The following NFIX variants were observed in gnomAD, a reference collection of about 807,000 sequenced individuals.
The protein encoded by NFIX is nuclear factor 1 X-type.
NFIX carries 2 observed loss-of-function variants against 53.3 expected under a neutral mutation model. The observed-to-expected ratio is 0.04, with a 90% confidence interval of 0.02 to 0.12. The LOEUF (loss-of-function observed/expected upper bound fraction) is 0.12, where lower values mean the gene tolerates loss of function less well. Among genes scored for constraint, NFIX ranks in the 10% least tolerant of loss-of-function variants. The pLI, the probability that NFIX is intolerant of heterozygous loss-of-function variation, is 1.00. For missense variants in NFIX, 310 were observed against 674.5 expected (o/e 0.46, Z 5.99); for synonymous variants, 244 against 289.0 (o/e 0.84, Z 1.58).
chr19:13,023,300 C>T (rs551137150), intron 1 of NFIX, among the ~76,000 whole-genome samples: 4 of 151,886 alleles, frequency 2.6e-5, no homozygotes, highest in Non-Finnish European at 5.9e-5. Flanking sequence ...CCTCGATCCT[C>T]GATCTCTCCC....
Position 13,097,040 on chromosome 19 carries a change from T to TTG in NFIX, c.*2393_*2394dup, listed in dbSNP as rs2018507279. On this transcript the variant is annotated 3_prime_UTR_variant, in exon 11 of 11. Transcript: ENST00000592199. ...AATGCATCAGAGAGTTTTCCTATCT[T>TTG]TGTATGTTAAGAGATTAAGAAAAAA... The TTG allele has an allele frequency of 6.6e-6, 1 of 151,362 alleles. No individual in the cohort carries two copies. The highest frequency in any genetic ancestry group is 6.6e-5 in the Admixed American group (1 of 15,236). 9.4% of individuals were successfully genotyped at this position (151,362 alleles called of 1,614,324 possible).
intron 7 of NFIX, among the ~76,000 whole-genome samples, chr19:13,080,968 C>T (rs994192398): frequency 6.6e-6 from 1 of 150,584 alleles, no homozygotes; most frequent in Non-Finnish European, 1.5e-5. Flanking sequence ...CCACTGCACT[C>T]CAGCCTGGGT....
intron 8 of NFIX, among the ~76,000 whole-genome samples, chr19:13,084,540 G>T (rs2017660195): frequency 6.6e-6 from 1 of 152,182 alleles, no homozygotes; most frequent in Non-Finnish European, 1.5e-5. Context: ...GGACCCTAGG[G>T]TAATAACAGC....
rs1457382584 is a variant in NFIX at position 13,049,616 on chromosome 19, CAG to C, written c.560-23428_560-23427del. 7.0e-6 allele frequency among the ~76,000 whole-genome samples: 1 copy of C among 141,998 alleles called. No homozygotes were observed. The highest frequency in any genetic ancestry group is 2.6e-5 in the African/African-American group (1 of 37,868). The allele number at this position is 141,998 out of a possible 152,430, so 93.2% of individuals were successfully genotyped here. On this transcript the variant is annotated intron_variant, in intron 2 of 10. Coordinates refer to ENST00000592199, the MANE Select transcript of NFIX (RefSeq NM_001365902.3). This position sits in a 1 kb window ranked among gnomAD's most constrained non-coding sequence, Gnocchi z 4.5. ...GTTCCTTTTTTTTTTTTTTTTGAGA[CAG>C]AGTCTTACTCTGTCGCCCAGGCTGG...
rs28667949 is a variant in NFIX at position 13,075,813 on chromosome 19, C to T, written c.955+142C>T. The T allele has an allele frequency of 1.1e-3, 1,096 of 1,030,666 alleles. 8 individuals are homozygous for T. In the African/African-American group the frequency reaches 0.016, roughly 15 times the overall value. 63.8% of individuals were successfully genotyped at this position (1,030,666 alleles called of 1,614,324 possible). On this transcript the variant is annotated intron_variant, in intron 6 of 10. Transcript: ENST00000592199. Reference sequence around the variant, plus strand: ...ATCTGTTTTCTTGCCTCCTGATCTTCCAGGGAGGGCAGAGCAGGCTGAAGG... The same window carrying T: ...ATCTGTTTTCTTGCCTCCTGATCTTTCAGGGAGGGCAGAGCAGGCTGAAGG...
At chr19:13,062,372 C>G (rs570659146) in intron 2 of NFIX, among the ~76,000 whole-genome samples, 14 of 152,324 alleles carry the variant, frequency 9.2e-5, no homozygotes, top group Admixed American at 3.3e-4. Flanking sequence ...CCTCTGTTCC[C>G]TGGGTGGTCA....
In NFIX at chr19:13,025,516, C is replaced by G; in HGVS notation, c.523C>G (p.Leu175Val). The G allele has an allele frequency of 3.1e-6, 5 of 1,613,652 alleles. No homozygotes were observed. Among genetic ancestry groups the G allele is most frequent in the Non-Finnish European group, 4.2e-6 (5 of 1,179,684 alleles). ...PHHIGVTIKELDLYLAYFVHT... is the reference protein window; with the variant it reads ...PHHIGVTIKEVDLYLAYFVHT... ...TCACATTGGAGTCACAATCAAAGAA[C>G]TGGATCTTTATCTGGCTTACTTTGT... Residue 175 changes from leucine (L) to valine (V), a missense_variant, in exon 2 of 11, where the codon CTG (leucine) becomes GTG (valine). Leu to Val is a conservative substitution (Grantham distance 32). Around this residue, in one of 5 missense-constraint regions of NFIX, gnomAD observed 164 missense variants for 284.4 expected, o/e 0.58. Transcript: ENST00000592199. This position sits in a 1 kb window ranked among gnomAD's most constrained non-coding sequence, Gnocchi z 7.5.
chr19:13,042,362 T>A (rs1242450459), intron 2 of NFIX, among the ~76,000 whole-genome samples: 1 of 145,270 alleles, frequency 6.9e-6, no homozygotes, highest in Admixed American at 6.8e-5. Context: ...ATGCTTTTTT[T>A]TTTTTTTTTT....
Position 13,066,284 on chromosome 19 carries a change from G to C in NFIX, c.560-6763G>C, listed in dbSNP as rs967214892. Among the ~76,000 whole-genome samples, 7 of 152,296 alleles carry C rather than the reference G, an allele frequency of 4.6e-5. No individual in the cohort carries two copies. In the South Asian group the frequency reaches 1.2e-3, roughly 27 times the overall value. ...GAGAAAGTAGTTCTTCCTGGGGTCA[G>C]GGGATGGAGAGGGGAATGTCCCATC... On this transcript the variant is annotated intron_variant, in intron 2 of 10. Transcript: ENST00000592199. This position sits in a 1 kb window ranked among gnomAD's most constrained non-coding sequence, Gnocchi z 4.2.
Position 13,075,641 on chromosome 19 carries a change from T to C in NFIX, c.925T>C (p.Ser309Pro), listed in dbSNP as rs2017051613. 6.2e-7 allele frequency: 1 copy of C among 1,613,470 alleles called. No homozygotes were observed. The highest frequency in any genetic ancestry group is 1.3e-5 in the African/African-American group (1 of 74,894). The change falls in exon 6 of 11, where the codon TCC (serine) becomes CCC (proline). Residue 309 changes from serine to proline, a missense_variant. Around this residue, in one of 5 missense-constraint regions of NFIX, gnomAD observed 164 missense variants for 284.4 expected, o/e 0.58. Transcript: ENST00000592199. ...GRSPAAGSSQSSGWPNDVDAG... is the reference protein window; with the variant it reads ...GRSPAAGSSQPSGWPNDVDAG... The stretch of plus-strand genomic sequence containing the variant: ...TTCCCCAGCAGCTGGCAGCAGCCAG[T>C]CCAGCGGGTGGCCCAACGATGTGGA...
Position 13,002,824 on chromosome 19 carries a change from C to T in NFIX, c.27+6960C>T, listed in dbSNP as rs1476808683. ...GAGGGGAGCCGGGGGTGGTGGCCAG[C>T]AGTGGGCAGGGGGCAGTGCCCACCA... On this transcript the variant is annotated intron_variant, in intron 1 of 10. Coordinates refer to ENST00000592199, the MANE Select transcript of NFIX (RefSeq NM_001365902.3). This position sits in a 1 kb window ranked among gnomAD's most constrained non-coding sequence, Gnocchi z 6.1. Among the ~76,000 whole-genome samples the T allele has an allele frequency of 1.3e-5, 2 of 152,164 alleles. No homozygotes were observed. The highest frequency in any genetic ancestry group is 2.9e-5 in the Non-Finnish European group (2 of 68,002).
chr19:13,066,967 C>T lies in NFIX; in HGVS notation c.560-6080C>T, dbSNP rs549772401. Among the ~76,000 whole-genome samples the T allele has an allele frequency of 6.6e-5, 10 of 152,246 alleles. No homozygotes were observed. The highest frequency in any genetic ancestry group is 2.4e-4 in the African/African-American group (10 of 41,552). ...ACCCCTCTGTGACCCGTCCCCTTAG[C>T]CCCCCATCTATCCACCGTTCCCCTC... On this transcript the variant is annotated intron_variant, in intron 2 of 10. Transcript: ENST00000592199. The surrounding 1 kb of genome is among the most constrained non-coding windows in gnomAD (Gnocchi z 4.2).
rs974370051 is a variant in NFIX at position 13,098,280 on chromosome 19, A to T, written c.*3631A>T. On this transcript the variant is annotated 3_prime_UTR_variant, in exon 11 of 11. Coordinates refer to ENST00000592199, the MANE Select transcript of NFIX (RefSeq NM_001365902.3). ...GCCTCTGCTCCCCCCCACCCCACCCACCCTCGGGGCGCCCCCCTCCCCCCG... is the reference window on the plus strand; with the variant it reads ...GCCTCTGCTCCCCCCCACCCCACCCTCCCTCGGGGCGCCCCCCTCCCCCCG... 1.3e-4 allele frequency: 1 copy of T among 7,932 alleles called. No homozygotes were observed. Among genetic ancestry groups the T allele is most frequent in the African/African-American group, 5.4e-4 (1 of 1,852 alleles). 0.5% of individuals were successfully genotyped at this position (7,932 alleles called of 1,614,324 possible).
At position 13,036,814 on chromosome 19, in the gene NFIX, G is replaced by C. The variant is rs1417714393; in HGVS notation, c.559+11262G>C. On this transcript the variant is annotated intron_variant, in intron 2 of 10. Transcript: ENST00000592199. The surrounding 1 kb of genome is among the most constrained non-coding windows in gnomAD (Gnocchi z 4.7). ...CCAGAGCCACCTTATAAATACCCGT[G>C]CTGGGCTATAAATTTCTGAGCAGTG... 6.6e-6 allele frequency among the ~76,000 whole-genome samples: 1 copy of C among 152,156 alleles called. No individual in the cohort carries two copies. The highest frequency in any genetic ancestry group is 2.4e-5 in the African/African-American group (1 of 41,426).
chr19:13,089,268 C>A lies in NFIX; in HGVS notation c.1403-1031C>A, dbSNP rs1407472022. On this transcript the variant is annotated intron_variant, in intron 9 of 10. Coordinates refer to ENST00000592199, the MANE Select transcript of NFIX (RefSeq NM_001365902.3). The surrounding 1 kb of genome is among the most constrained non-coding windows in gnomAD (Gnocchi z 4.8). The stretch of plus-strand genomic sequence containing the variant: ...GGGCAGAATCTGGTGAGCATGGAGT[C>A]CCTGGGTGTGTCTGGTGCAGGGCAG... Among the ~76,000 whole-genome samples the A allele has an allele frequency of 6.6e-6, 1 of 152,140 alleles. No homozygotes were observed. Among genetic ancestry groups the A allele is most frequent in the Non-Finnish European group, 1.5e-5 (1 of 68,028 alleles).
rs1411155474 is a variant in NFIX, at chr19:13,049,835, G to A, written c.560-23212G>A. On this transcript the variant is annotated intron_variant, in intron 2 of 10. Coordinates refer to ENST00000592199, the MANE Select transcript of NFIX (RefSeq NM_001365902.3). This position sits in a 1 kb window ranked among gnomAD's most constrained non-coding sequence, Gnocchi z 4.5. The stretch of plus-strand genomic sequence containing the variant: ...TCTCGAACTCCTGATCTCGTGATCC[G>A]CTCACCTCGGCCTCCCAAAGTGTTG... Among the ~76,000 whole-genome samples the A allele has an allele frequency of 6.6e-6, 1 of 152,076 alleles. No individual in the cohort carries two copies. The highest frequency in any genetic ancestry group is 1.5e-5 in the Non-Finnish European group (1 of 68,020).
At chr19:13,092,764 C>T (rs982242782) in intron 10 of NFIX, among the ~76,000 whole-genome samples, 17 of 152,248 alleles carry the variant, frequency 1.1e-4, no homozygotes, top group Non-Finnish European at 2.4e-4. Context: ...TTCCCACCCC[C>T]GGGCCTGGGC....
chr19:13,024,832 C>T (rs2013191315), intron 1 of NFIX, 189 bp from the exon 2 acceptor site: 1 of 1,337,398 alleles, frequency 7.5e-7, no homozygotes, highest in Non-Finnish European at 1.0e-6. Flanking sequence ...CTGGTGGTGG[C>T]TTCAAACCAC....
intron 1 of NFIX, among the ~76,000 whole-genome samples, chr19:13,023,070 T>TCTCTCTCTCTCTCTCTCTCTCTC (rs2013036703): frequency 7.2e-6 from 1 of 138,070 alleles, no homozygotes; most frequent in African/African-American, 3.0e-5. Context: ...TTCTCTCTCT[T>TCTCTCTCTCTCTCTCTCTCTCTC]TCTCTCTCTC....
Sources: allele counts gnomAD v4.1 joint callset (sites outside exome capture counted in the v4.1 genomes callset), GRCh38; gene constraint gnomAD v4.1.1; regional missense constraint gnomAD v4.1.1; non-coding constraint Gnocchi (gnomAD v3.1); transcripts MANE v1.5; gene names NCBI Gene and HGNC (gene_info 2026-07-23, HGNC 2026-07-21).